Variants in TENM2 observed in about 807,000 individuals in gnomAD.
TENM2 encodes teneurin-2.
In TENM2, 52 loss-of-function variants were observed where a neutral mutation model predicts 245.2. The ratio of observed to expected loss-of-function variants is 0.21; its 90% CI spans 0.17 to 0.27. The LOEUF (loss-of-function observed/expected upper bound fraction) is 0.27, where lower values mean the gene tolerates loss of function less well. Ranked by LOEUF, TENM2 falls within the 10% of genes least tolerant of loss-of-function variation. The probability of loss-of-function intolerance (pLI) is 1.00; values close to 1 mark genes in which losing one functional copy is unlikely to be tolerated. For missense variants in TENM2, 3,046 were observed against 3,666.8 expected, an observed-to-expected ratio of 0.83 and a Z score of 4.37; for synonymous variants, 1,363 against 1,438.9, an observed-to-expected ratio of 0.95 and a Z score of 1.19.
intron 1 of TENM2, among the ~76,000 whole-genome samples, chr5:167,373,192 G>T (rs1760543697): frequency 1.3e-5 from 2 of 152,202 alleles, no homozygotes; most frequent in Admixed American, 1.3e-4. Flanking sequence ...GGCTGGGAAA[G>T]CTCAGTGTTC....
chr5:168,027,530 CT>C (rs1033880190), intron 5 of TENM2, among the ~76,000 whole-genome samples: 4 of 152,166 alleles, frequency 2.6e-5, no homozygotes, highest in African/African-American at 9.7e-5. Context: ...CAAATTTGAG[CT>C]CCGTGTTTTT....
At chr5:168,116,479 C>T (rs181736681) in intron 9 of TENM2, among the ~76,000 whole-genome samples, 2 of 152,276 alleles carry the variant, frequency 1.3e-5, no homozygotes, top group East Asian at 3.9e-4. Flanking sequence ...GTGTTTACAG[C>T]ATGAGATTCA....
At chr5:167,882,592 A>G (rs1015266139) in intron 3 of TENM2, among the ~76,000 whole-genome samples, 8 of 152,208 alleles carry the variant, frequency 5.3e-5, no homozygotes, top group African/African-American at 1.9e-4. Flanking sequence ...ACGTACAATC[A>G]TGGCGGAAGG....
intron 1 of TENM2, among the ~76,000 whole-genome samples, chr5:167,319,770 A>G (rs1323343157): frequency 6.6e-6 from 1 of 152,212 alleles, no homozygotes; most frequent in Admixed American, 6.5e-5. Context: ...TGAAAATAGA[A>G]TTACTTCAGT....
Position 167,441,643 on chromosome 5 carries a change from T to G in TENM2, c.502+66170T>G, listed in dbSNP as rs182267248. The stretch of plus-strand genomic sequence containing the variant: ...CAGATAAGTTGCTGTTGCTGATATG[T>G]AGTCCTGTGGTATGGTCTTAACCCT... On this transcript the variant is annotated intron_variant, in intron 2 of 28. Coordinates refer to ENST00000518659, the Ensembl canonical transcript of TENM2. Among the ~76,000 whole-genome samples, 4 of 152,334 alleles carry G rather than the reference T, an allele frequency of 2.6e-5. No individual in the cohort carries two copies. In the East Asian group the frequency reaches 7.7e-4, roughly 29 times the overall value.
intron 6 of TENM2, among the ~76,000 whole-genome samples, chr5:168,056,913 C>G (rs1173969249): frequency 6.6e-6 from 1 of 152,006 alleles, no homozygotes; most frequent in Non-Finnish European, 1.5e-5. Flanking sequence ...ATAGGGTATA[C>G]CATATAGCCT....
chr5:167,253,224 G>A, the TENM2 span, among the ~76,000 whole-genome samples: 599 of 150,038 alleles, frequency 4.0e-3, 2 homozygotes, highest in African/African-American at 0.013. Context: ...TTCAGTAACT[G>A]AGATCACAAG....
intron 2 of TENM2, among the ~76,000 whole-genome samples, chr5:167,771,366 T>C (rs936096821): frequency 6.6e-6 from 1 of 152,212 alleles, no homozygotes; most frequent in African/African-American, 2.4e-5. Context: ...TTCACTTTTT[T>C]TCTAGTCATT....
At chr5:167,420,924 G>A (rs1345350342) in intron 2 of TENM2, among the ~76,000 whole-genome samples, 2 of 152,092 alleles carry the variant, frequency 1.3e-5, no homozygotes. Context: ...GTGAAGGAAG[G>A]AATTAATTCA....
intron 2 of TENM2, among the ~76,000 whole-genome samples, chr5:167,556,712 T>C (rs951174851): frequency 6.6e-6 from 1 of 152,110 alleles, no homozygotes; most frequent in African/African-American, 2.4e-5. Flanking sequence ...TAGAATTCAG[T>C]CTGTGTCAAT....
At position 167,743,834 on chromosome 5, in the gene TENM2, C is replaced by T. The variant is rs185127061; in HGVS notation, c.503-132152C>T. Among the ~76,000 whole-genome samples, 212 of 152,280 alleles carry T rather than the reference C, an allele frequency of 1.4e-3. 1 individual carries two copies. Among genetic ancestry groups the T allele is most frequent in the African/African-American group, 4.8e-3 (198 of 41,560 alleles). Reference sequence around the variant, plus strand: ...ATCTTTTAATCAGCCCCTACTGAAGCGATGACTACTGACCTTACCCCTCAC... The same window carrying T: ...ATCTTTTAATCAGCCCCTACTGAAGTGATGACTACTGACCTTACCCCTCAC... On this transcript the variant is annotated intron_variant, in intron 2 of 28. Transcript: ENST00000518659.
the TENM2 span, among the ~76,000 whole-genome samples, chr5:167,013,428 T>C: frequency 6.6e-6 from 1 of 152,224 alleles, no homozygotes; most frequent in Admixed American, 6.5e-5. Context: ...GACAGCCATA[T>C]TCTGATTCCA....
At chr5:167,236,901 C>A in the TENM2 span, among the ~76,000 whole-genome samples, 1 of 136,250 alleles carries the variant, frequency 7.3e-6, no homozygotes. Flanking sequence ...TTTTTTCAAT[C>A]TGAAAACAAG....
intron 4 of TENM2, among the ~76,000 whole-genome samples, chr5:167,980,512 C>G (rs1782755688): frequency 6.6e-6 from 1 of 152,056 alleles, no homozygotes; most frequent in Non-Finnish European, 1.5e-5. Context: ...CTTTAAGGAA[C>G]AGCAAAGAGG....
intron 2 of TENM2, among the ~76,000 whole-genome samples, chr5:167,847,232 C>T (rs147806288): frequency 2.8e-4 from 42 of 152,308 alleles, no homozygotes; most frequent in African/African-American, 9.4e-4. Flanking sequence ...GGATTACAGG[C>T]ATGAGCCGCC....
intron 1 of TENM2, among the ~76,000 whole-genome samples, chr5:167,328,204 G>GTTTTTTTTTT (rs70976412): frequency 1.4e-4 from 13 of 91,028 alleles, no homozygotes; most frequent in African/African-American, 6.3e-4. Flanking sequence ...TTCTCATATC[G>GTTTTTTTTTT]TTTTTTTTTT....
At chr5:167,407,316 G>A (rs925238118) in intron 2 of TENM2, among the ~76,000 whole-genome samples, 3 of 152,110 alleles carry the variant, frequency 2.0e-5, no homozygotes, top group Non-Finnish European at 2.9e-5. Context: ...TGTTCTGCAA[G>A]TGATGGCATC....
At chr5:168,150,018 C>T (rs556729539) in intron 12 of TENM2, among the ~76,000 whole-genome samples, 1 of 152,280 alleles carries the variant, frequency 6.6e-6, no homozygotes, top group South Asian at 2.1e-4. Flanking sequence ...ATAAGACAGT[C>T]ACCTCCATCA....
the TENM2 span, among the ~76,000 whole-genome samples, chr5:167,090,555 G>A: frequency 8.6e-4 from 131 of 152,232 alleles, no homozygotes; most frequent in Non-Finnish European, 1.6e-3. Flanking sequence ...TGTGTGATTC[G>A]CTATGTAACA....
Sources: gnomAD v4.1 joint callset for allele counts (sites outside exome capture counted in the v4.1 genomes callset) on GRCh38, gnomAD v4.1.1 for gene constraint, MANE v1.5 for transcripts, NCBI Gene and HGNC (gene_info 2026-07-23, HGNC 2026-07-21) for gene names.